ATRX: variants seen among roughly 807,000 people sequenced by gnomAD.
ATRX encodes the protein chromatin remodeler ATRX.
In ATRX, 12 loss-of-function variants were observed where a neutral mutation model predicts 172.6. That is an observed-to-expected ratio of 0.07 (90% CI 0.04 to 0.11). ATRX has a LOEUF of 0.11. ATRX is among the 10% of genes least tolerant of loss of function. The pLI is 1.00. For synonymous variants in ATRX, 674 were observed against 594.7 expected, an observed-to-expected ratio of 1.13 and a Z score of -1.94; for missense variants, 1,368 against 1,767.4, an observed-to-expected ratio of 0.77 and a Z score of 4.05.
At chrX:77,618,073 A>T (rs782068604) in intron 21 of ATRX, among the ~76,000 whole-genome samples, 18 of 111,439 alleles carry the variant, frequency 1.6e-4, no homozygotes, top group Middle Eastern at 4.6e-3. Flanking sequence ...TCTATTTTTT[A>T]AAAAAATATT....
chrX:77,596,991 T>C (rs1176977082), intron 25 of ATRX: 4 of 110,867 alleles, frequency 3.6e-5, no homozygotes, highest in African/African-American at 1.3e-4. Flanking sequence ...ACATGTAAAC[T>C]TTATATATTT....
At chrX:77,574,487 A>G in intron 27 of ATRX, 129 bp from the exon 28 acceptor site, 1 of 468,387 alleles carries the variant, frequency 2.1e-6, no homozygotes, top group South Asian at 3.6e-5. Flanking sequence ...AGCAAAATAC[A>G]TTATATACTT....
At chrX:77,521,346 TA>T (rs1557041293) in intron 33 of ATRX, 56 bp downstream of exon 33, 6 of 929,864 alleles carry the variant, frequency 6.5e-6, no homozygotes, top group Admixed American at 2.2e-5. Flanking sequence ...AAAATGGCAG[TA>T]GGGGGTGGAG....
chrX:77,761,242 T>C (rs781864085), intron 1 of ATRX, among the ~76,000 whole-genome samples: 9 of 111,801 alleles, frequency 8.1e-5, no homozygotes, highest in Non-Finnish European at 1.5e-4. Context: ...TTTATGTATA[T>C]ATTTAAAGGG....
At chrX:77,698,506 C>G in intron 3 of ATRX, 68 bp downstream of exon 3, 5 of 987,519 alleles carry the variant, frequency 5.1e-6, no homozygotes, top group Non-Finnish European at 7.2e-6. Context: ...TGTCCAGAAG[C>G]AATCTAAAGA....
intron 28 of ATRX, among the ~76,000 whole-genome samples, chrX:77,571,058 T>C (rs890704469): frequency 9.9e-5 from 11 of 110,807 alleles, no homozygotes; most frequent in Non-Finnish European, 1.5e-4. Context: ...ACAGTGATAA[T>C]AGCAAATGCT....
In ATRX at chrX:77,767,905, T is replaced by G. The variant is rs182411332; in HGVS notation, c.20+18077A>C. On this transcript the variant is annotated intron_variant, in intron 1 of 34. Transcript: ENST00000373344. Reference sequence around the variant, plus strand: ...TTCTTATCTAGGTTACCTGATACGATTGTTATATAACTCAACAGGTCACTG... The same window carrying G: ...TTCTTATCTAGGTTACCTGATACGAGTGTTATATAACTCAACAGGTCACTG... Among the ~76,000 whole-genome samples the G allele has an allele frequency of 7.1e-3, 790 of 111,722 alleles. 5 individuals are homozygous for G. The highest frequency in any genetic ancestry group is 0.012 in the Non-Finnish European group (622 of 53,191).
chrX:77,652,089 A>AAAG, intron 15 of ATRX, 25 bp downstream of exon 15: 4 of 1,205,334 alleles, frequency 3.3e-6, no homozygotes, highest in Non-Finnish European at 4.5e-6. Context: ...TACAAAAGAA[A>AAAG]AAGAAGAAGA....
At chrX:77,572,083 G>A (rs782774050) in intron 28 of ATRX, among the ~76,000 whole-genome samples, 1 of 110,547 alleles carries the variant, frequency 9.0e-6, no homozygotes, top group Non-Finnish European at 1.9e-5. Context: ...TTTGTTTTTT[G>A]TTTCATTTTC....
At chrX:77,642,399 G>T (rs1325426802) in intron 15 of ATRX, among the ~76,000 whole-genome samples, 1 of 111,688 alleles carries the variant, frequency 9.0e-6, no homozygotes, top group Non-Finnish European at 1.9e-5. Context: ...AAAGATGAAG[G>T]AAAAAGGAGA....
chrX:77,548,971 G>A lies in ATRX; in HGVS notation c.6699+8480C>T, dbSNP rs565588443. Among the ~76,000 whole-genome samples, 101 of 112,195 alleles carry A rather than the reference G, an allele frequency of 9.0e-4. 2 individuals are homozygous for A. The South Asian group carries it at 0.036, about 40-fold the overall frequency. ...CATACGTAGTCCAGTGCTGGAAAAG[G>A]GAAGTATAAAAACATTTCTATGCCA... On this transcript the variant is annotated intron_variant, in intron 30 of 34. Transcript: ENST00000373344.
intron 22 of ATRX, chrX:77,616,013 GAC>G (rs782794196): frequency 3.0e-5 from 22 of 739,397 alleles, no homozygotes; most frequent in Non-Finnish European, 3.2e-5. Context: ...GAGAGACACA[GAC>G]ACACACACAC....
chrX:77,513,302 G>C lies in ATRX; in HGVS notation c.7201-4673C>G, dbSNP rs2062939678. ...ACTGCACTCCAGCCTGGGCGACAGAGCGAGACTCCGTCTCAAAAAAAAAAA... is the reference window on the plus strand; with the variant it reads ...ACTGCACTCCAGCCTGGGCGACAGACCGAGACTCCGTCTCAAAAAAAAAAA... On this transcript the variant is annotated intron_variant, in intron 34 of 34. Transcript: ENST00000373344. Among the ~76,000 whole-genome samples the C allele has an allele frequency of 3.5e-5, 3 of 85,761 alleles. No individual in the cohort carries two copies. The Admixed American group carries it at 4.5e-4, about 13-fold the overall frequency. 74.5% of individuals were successfully genotyped at this position (85,761 alleles called of 115,157 possible).
intron 1 of ATRX, among the ~76,000 whole-genome samples, chrX:77,762,852 T>C (rs1343937878): frequency 3.6e-5 from 4 of 111,581 alleles, no homozygotes; most frequent in African/African-American, 1.3e-4. Flanking sequence ...AATTAAACTT[T>C]AATGTGAGGA....
chrX:77,768,377 A>G (rs1386232863), intron 1 of ATRX, among the ~76,000 whole-genome samples: 1 of 112,260 alleles, frequency 8.9e-6, no homozygotes, highest in Non-Finnish European at 1.9e-5. Context: ...CACATAAAAC[A>G]ATAACAAAGA....
At chrX:77,752,786 T>TTGAACCAGCCTTGC (rs1203581442) in intron 1 of ATRX, among the ~76,000 whole-genome samples, 6 of 112,118 alleles carry the variant, frequency 5.4e-5, no homozygotes, top group African/African-American at 1.9e-4. Context: ...TTTGCGTATG[T>TTGAACCAGCCTTGC]TGAACCAGCC....
chrX:77,761,227 T>A (rs2075704708), intron 1 of ATRX, among the ~76,000 whole-genome samples: 1 of 111,783 alleles, frequency 8.9e-6, no homozygotes, highest in Non-Finnish European at 1.9e-5. Flanking sequence ...AAAGGCATTC[T>A]TCTTTTTATG....
intron 28 of ATRX, among the ~76,000 whole-genome samples, chrX:77,569,141 C>G (rs782660052): frequency 9.1e-6 from 1 of 110,167 alleles, no homozygotes; most frequent in Non-Finnish European, 1.9e-5. Context: ...AAACAACCCC[C>G]CCACCCAAAA....
At chrX:77,531,254 C>G (rs2063565701) in intron 30 of ATRX, among the ~76,000 whole-genome samples, 2 of 112,116 alleles carry the variant, frequency 1.8e-5, no homozygotes, top group Admixed American at 1.9e-4. Context: ...AGAGGAAGGA[C>G]TCCTCCGTAA....
Sources: allele counts gnomAD v4.1 joint callset (sites outside exome capture counted in the v4.1 genomes callset), GRCh38; gene constraint gnomAD v4.1.1; transcripts MANE v1.5; gene names NCBI Gene and HGNC (gene_info 2026-07-23, HGNC 2026-07-21).